The following MPP7 variants were observed in gnomAD, a reference collection of about 807,000 sequenced individuals.
The protein encoded by MPP7 is MAGUK p55 scaffold protein 7.
A neutral mutation model predicts 76.5 loss-of-function variants in MPP7; 60 were observed. The observed-to-expected ratio is 0.78, with a 90% CI of 0.64 to 0.97. The LOEUF is 0.97. Among genes scored for constraint, MPP7 ranks in the 50% least tolerant of loss-of-function variants. MPP7 has a pLI of 0.00. For synonymous variants in MPP7, 237 were observed against 244.5 expected (o/e 0.97, Z 0.29); for missense variants, 641 against 694.0 (o/e 0.92, Z 0.86).
intron 3 of MPP7, among the ~76,000 whole-genome samples, chr10:28,153,684 C>A (rs1226668048): frequency 6.6e-6 from 1 of 152,102 alleles, no homozygotes; most frequent in Non-Finnish European, 1.5e-5. Flanking sequence ...GTTTTACTTA[C>A]ACATACAATA....
intron 1 of MPP7, among the ~76,000 whole-genome samples, chr10:28,272,452 T>C (rs572282982): frequency 5.7e-4 from 86 of 152,202 alleles, no homozygotes; most frequent in Non-Finnish European, 6.6e-4. Context: ...CATAAGTATA[T>C]AAAATAATAA....
chr10:28,105,289 T>C (rs1228923069), intron 11 of MPP7, among the ~76,000 whole-genome samples: 10 of 152,088 alleles, frequency 6.6e-5, no homozygotes, highest in Admixed American at 6.5e-4. Flanking sequence ...TGTCTCATTT[T>C]TCTAGAAATA....
At chr10:28,101,052 T>C (rs1036035459) in intron 11 of MPP7, among the ~76,000 whole-genome samples, 11 of 152,132 alleles carry the variant, frequency 7.2e-5, no homozygotes, top group African/African-American at 2.7e-4. Flanking sequence ...AAAAACTGAT[T>C]TGAAATTTTA....
chr10:28,202,123 CA>C (rs746317118), intron 3 of MPP7, 29 bp downstream of exon 3: 1 of 1,481,414 alleles, frequency 6.8e-7, no homozygotes, highest in South Asian at 1.2e-5. Flanking sequence ...ATGCTTTTCG[CA>C]AAGAGAATCT....
At chr10:28,327,215 C>T (rs1372057497) in intron 2 of MPP7, among the ~76,000 whole-genome samples, 1 of 116,848 alleles carries the variant, frequency 8.6e-6, no homozygotes, top group African/African-American at 3.2e-5. Flanking sequence ...GTTTTGATTT[C>T]AACTTGTCAA....
At position 28,164,480 on chromosome 10, in the gene MPP7, A is replaced by T. The variant is rs117262648; in HGVS notation, c.157-14421T>A. ...GGCTGCAACAGGGGACTCCAAACACAGGTAGGTAGAGAAGGCAGGTAGTCA... is the reference window on the plus strand; with the variant it reads ...GGCTGCAACAGGGGACTCCAAACACTGGTAGGTAGAGAAGGCAGGTAGTCA... On this transcript the variant is annotated intron_variant, in intron 3 of 16. Coordinates refer to ENST00000683449, the MANE Select transcript of MPP7 (RefSeq NM_001318170.2). Among the ~76,000 whole-genome samples, 113 of 152,218 alleles carry T rather than the reference A, an allele frequency of 7.4e-4. No individual in the cohort carries two copies. The East Asian group carries it at 0.021, about 28-fold the overall frequency.
At chr10:28,229,293 C>T (rs1295233862) in intron 2 of MPP7, among the ~76,000 whole-genome samples, 1 of 152,184 alleles carries the variant, frequency 6.6e-6, no homozygotes, top group African/African-American at 2.4e-5. Context: ...TTTAAATAGC[C>T]ACTTTGAATA....
At chr10:28,219,211 T>G (rs1453663482) in intron 2 of MPP7, among the ~76,000 whole-genome samples, 2 of 152,116 alleles carry the variant, frequency 1.3e-5, no homozygotes, top group Non-Finnish European at 2.9e-5. Context: ...GACACTAAAT[T>G]TCAAAACAAT....
At chr10:28,118,604 A>G in intron 11 of MPP7, 3 of 985,392 alleles carry the variant, frequency 3.0e-6, no homozygotes, top group Non-Finnish European at 3.6e-6. Context: ...ATTCTCACGA[A>G]AGCTTTAAGT....
In MPP7 at chr10:28,124,085, T is replaced by C; in HGVS notation, c.561A>G (p.Glu187=). ...GLIHVGDELR[E]VNGIPVEDKR... is the part of the protein sequence containing the mutation. Reference sequence around the variant, plus strand: ...TATCCTCCACTGGTATCCCGTTGACTTCCCTAAGTTCATCACCAACATGAA... The same window carrying C: ...TATCCTCCACTGGTATCCCGTTGACCTCCCTAAGTTCATCACCAACATGAA... The change falls in exon 8 of 17, where the codon GAA becomes GAG. Residue 187 remains glutamate, a synonymous_variant. Coordinates refer to ENST00000683449, the MANE Select transcript of MPP7 (RefSeq NM_001318170.2). The C allele has an allele frequency of 6.2e-7, 1 of 1,612,476 alleles. No homozygotes were observed. Among genetic ancestry groups the C allele is most frequent in the Admixed American group, 1.7e-5 (1 of 60,024 alleles).
chr10:28,189,678 G>C (rs1837350279), intron 3 of MPP7, among the ~76,000 whole-genome samples: 1 of 147,000 alleles, frequency 6.8e-6, no homozygotes, highest in Admixed American at 6.8e-5. Flanking sequence ...TAATTGATTT[G>C]ATAAAAGAAG....
chr10:28,177,301 G>A (rs1175578165), intron 3 of MPP7, among the ~76,000 whole-genome samples: 3 of 150,548 alleles, frequency 2.0e-5, no homozygotes, highest in Non-Finnish European at 4.4e-5. Context: ...AGGCATGGTG[G>A]CGCGGCTGAG....
Position 28,322,548 on chromosome 10 carries a change from G to A in MPP7, c.-132+7381C>T, listed in dbSNP as rs75936661. On this transcript the variant is annotated intron_variant, in intron 2 of 11. Coordinates refer to the MPP7 transcript ENST00000441595. ...TACTTTTGGCTGTCATTGACACCCC[G>A]CTCTTGGCGGGTCTTGTCTCTCTTC... Among the ~76,000 whole-genome samples the A allele has an allele frequency of 9.1e-3, 1,382 of 152,216 alleles. 21 individuals are homozygous for A. Among genetic ancestry groups the A allele is most frequent in the East Asian group, 0.054 (281 of 5,158 alleles).
rs770432072 is a variant in MPP7, at chr10:28,238,623, A to G, written c.-19T>C. ...CTGGCATGATGCAAGGTGTAGGAACAGGTCAGCCCACCGCTCTCCGGACAC... is the reference window on the plus strand; with the variant it reads ...CTGGCATGATGCAAGGTGTAGGAACGGGTCAGCCCACCGCTCTCCGGACAC... On this transcript the variant is annotated 5_prime_UTR_variant, in exon 2 of 17. Coordinates refer to ENST00000683449, the MANE Select transcript of MPP7 (RefSeq NM_001318170.2). 6.2e-7 allele frequency: 1 copy of G among 1,614,002 alleles called. No individual in the cohort carries two copies. The highest frequency in any genetic ancestry group is 1.3e-5 in the African/African-American group (1 of 75,062).
chr10:28,178,373 T>C (rs1836944945), intron 3 of MPP7, among the ~76,000 whole-genome samples: 1 of 151,836 alleles, frequency 6.6e-6, no homozygotes, highest in Non-Finnish European at 1.5e-5. Context: ...CAACTCACTA[T>C]TAAACACAGG....
chr10:28,195,330 C>CT (rs1837544899), intron 3 of MPP7, among the ~76,000 whole-genome samples: 2 of 152,184 alleles, frequency 1.3e-5, no homozygotes, highest in Non-Finnish European at 2.9e-5. Flanking sequence ...GAAAAATAGT[C>CT]TAACAGGTCT....
chr10:28,067,771 G>A (rs1196385198), intron 13 of MPP7, among the ~76,000 whole-genome samples: 1 of 152,172 alleles, frequency 6.6e-6, no homozygotes, highest in Non-Finnish European at 1.5e-5. Context: ...TTCAAAAGAA[G>A]TCAGTTTTGA....
At chr10:28,056,405 T>A (rs1182126288) in intron 16 of MPP7, 75 bp downstream of exon 16, 2 of 1,468,288 alleles carry the variant, frequency 1.4e-6, no homozygotes, top group Non-Finnish European at 1.8e-6. Flanking sequence ...ATGATCCTCC[T>A]GCTTCGGCCT....
At chr10:28,207,549 G>A (rs1564701980) in intron 2 of MPP7, among the ~76,000 whole-genome samples, 1 of 152,020 alleles carries the variant, frequency 6.6e-6, no homozygotes, top group Non-Finnish European at 1.5e-5. Flanking sequence ...CCCGGGCATG[G>A]TGGTGCACAC....
Sources: gnomAD v4.1 joint callset for allele counts (sites outside exome capture counted in the v4.1 genomes callset) on GRCh38, gnomAD v4.1.1 for gene constraint, MANE v1.5 for transcripts, NCBI Gene and HGNC (gene_info 2026-07-23, HGNC 2026-07-21) for gene names.